PTPRM: variants seen among roughly 807,000 people sequenced by gnomAD.
PTPRM encodes receptor-type tyrosine-protein phosphatase mu.
Under a neutral mutation model 186.7 loss-of-function variants are expected in PTPRM, and 47 were observed. The ratio of observed to expected loss-of-function variants is 0.25; its 90% CI spans 0.20 to 0.32. PTPRM has a LOEUF of 0.32. Ranked by LOEUF, PTPRM falls within the 10% of genes least tolerant of loss-of-function variation. The pLI is 1.00. For missense variants in PTPRM, 1,494 were observed against 1,865.0 expected (o/e 0.80, Z 3.66); for synonymous variants, 668 against 674.9 (o/e 0.99, Z 0.16).
intron 2 of PTPRM, among the ~76,000 whole-genome samples, chr18:7,818,829 A>T (rs2045001923): frequency 6.6e-6 from 1 of 152,232 alleles, no homozygotes; most frequent in Non-Finnish European, 1.5e-5. Flanking sequence ...GAGGCTTGTG[A>T]ACACAGCTCC....
At chr18:7,746,005 A>G (rs558519248) in intron 1 of PTPRM, among the ~76,000 whole-genome samples, 3 of 152,352 alleles carry the variant, frequency 2.0e-5, no homozygotes, top group East Asian at 1.9e-4. Context: ...ACAAATGGAC[A>G]TGGTGAATAT....
chr18:7,777,339 A>G (rs980167168), intron 2 of PTPRM, among the ~76,000 whole-genome samples: 1 of 152,206 alleles, frequency 6.6e-6, no homozygotes, highest in Non-Finnish European at 1.5e-5. Context: ...AATAGTTAAA[A>G]AAAAAGCAAA....
At chr18:7,831,872 T>C (rs912463789) in intron 2 of PTPRM, among the ~76,000 whole-genome samples, 6 of 152,192 alleles carry the variant, frequency 3.9e-5, no homozygotes, top group Admixed American at 1.3e-4. Flanking sequence ...AGTGAGAACA[T>C]GTAAGGTTTT....
At chr18:7,658,363 TAC>T (rs57183909) in intron 1 of PTPRM, among the ~76,000 whole-genome samples, 7,911 of 141,764 alleles carry the variant, frequency 0.056, 581 homozygotes, top group East Asian at 0.24. Context: ...TATATATACA[TAC>T]ACACACACAC....
intron 1 of PTPRM, among the ~76,000 whole-genome samples, chr18:7,716,707 G>T (rs1249841757): frequency 2.0e-5 from 3 of 152,264 alleles, no homozygotes; most frequent in Non-Finnish European, 2.9e-5. Context: ...AGATATTGAT[G>T]CAACCAATAA....
At chr18:8,195,670 C>T (rs1264826198) in intron 14 of PTPRM, among the ~76,000 whole-genome samples, 1 of 152,146 alleles carries the variant, frequency 6.6e-6, no homozygotes, top group Non-Finnish European at 1.5e-5. Flanking sequence ...TTCTCACTTA[C>T]AAGTGGGAGC....
At chr18:8,064,974 C>T (rs936907633) in intron 7 of PTPRM, among the ~76,000 whole-genome samples, 16 of 152,130 alleles carry the variant, frequency 1.1e-4, no homozygotes, top group African/African-American at 3.6e-4. Context: ...GCCCACCATG[C>T]CATTCTGGTT....
chr18:7,862,020 A>G (rs1467398729), intron 2 of PTPRM, among the ~76,000 whole-genome samples: 1 of 151,812 alleles, frequency 6.6e-6, no homozygotes, highest in Non-Finnish European at 1.5e-5. Context: ...AATCACAGAA[A>G]GACATGAGCA....
intron 7 of PTPRM, among the ~76,000 whole-genome samples, chr18:8,031,377 A>G (rs1480556037): frequency 1.3e-5 from 2 of 152,224 alleles, no homozygotes; most frequent in African/African-American, 4.8e-5. Flanking sequence ...ACAGGTGTCA[A>G]GTTTGATAGG....
chr18:7,702,159 A>T (rs1164800287), intron 1 of PTPRM, among the ~76,000 whole-genome samples: 1 of 152,156 alleles, frequency 6.6e-6, no homozygotes, highest in African/African-American at 2.4e-5. Context: ...ATATGTGTGC[A>T]TGTGTCTTTA....
intron 7 of PTPRM, among the ~76,000 whole-genome samples, chr18:8,050,762 G>A (rs1166829171): frequency 6.6e-6 from 1 of 152,182 alleles, no homozygotes; most frequent in African/African-American, 2.4e-5. Flanking sequence ...GAGGAAGGAA[G>A]GGGCGGGCTC....
At chr18:8,257,935 C>T (rs1019998715) in intron 19 of PTPRM, among the ~76,000 whole-genome samples, 1 of 152,194 alleles carries the variant, frequency 6.6e-6, no homozygotes, top group Non-Finnish European at 1.5e-5. Context: ...CGAACAAGAG[C>T]ATACCATGTG....
intron 7 of PTPRM, among the ~76,000 whole-genome samples, chr18:7,989,183 T>C (rs2083129243): frequency 6.6e-6 from 1 of 151,714 alleles, no homozygotes; most frequent in Non-Finnish European, 1.5e-5. Context: ...GCAATGTTGA[T>C]GGGTGTGGCT....
chr18:7,940,797 A>C (rs1049903732), intron 5 of PTPRM, among the ~76,000 whole-genome samples: 1 of 152,078 alleles, frequency 6.6e-6, no homozygotes, highest in African/African-American at 2.4e-5. Context: ...TTTGGTGACC[A>C]AACCTGACCT....
At chr18:8,354,066 A>T (rs1195901675) in intron 23 of PTPRM, among the ~76,000 whole-genome samples, 1 of 152,076 alleles carries the variant, frequency 6.6e-6, no homozygotes, top group Non-Finnish European at 1.5e-5. Context: ...ACAAAAAATT[A>T]GCTGGGCGTG....
chr18:7,676,688 T>TGTGTGTGC (rs567402218), intron 1 of PTPRM, among the ~76,000 whole-genome samples: 22 of 150,200 alleles, frequency 1.5e-4, no homozygotes, highest in African/African-American at 4.2e-4. Context: ...TGTGTGTGTG[T>TGTGTGTGC]GCGCGTGCAC....
At chr18:8,055,691 A>G (rs1446090750) in intron 7 of PTPRM, among the ~76,000 whole-genome samples, 1 of 152,060 alleles carries the variant, frequency 6.6e-6, no homozygotes, top group African/African-American at 2.4e-5. Flanking sequence ...GTTAATCTTT[A>G]CTAGTGAGCT....
chr18:8,205,975 GA>G (rs1201323861), intron 14 of PTPRM, among the ~76,000 whole-genome samples: 3 of 152,110 alleles, frequency 2.0e-5, no homozygotes, highest in African/African-American at 7.2e-5. Context: ...TGAAATGTGG[GA>G]AATGGTCTGT....
intron 7 of PTPRM, among the ~76,000 whole-genome samples, chr18:8,063,037 G>A (rs1437754883): frequency 6.6e-6 from 1 of 151,136 alleles, no homozygotes; most frequent in Non-Finnish European, 1.5e-5. Flanking sequence ...CTGGGCAATG[G>A]CGGGCGCCCC....
Sources: gnomAD v4.1 joint callset for allele counts (sites outside exome capture counted in the v4.1 genomes callset) on GRCh38, gnomAD v4.1.1 for gene constraint, MANE v1.5 for transcripts, NCBI Gene and HGNC (gene_info 2026-07-23, HGNC 2026-07-21) for gene names.